TGIF1: variants seen among roughly 807,000 people sequenced by gnomAD.
The protein encoded by TGIF1 is TGFB induced factor homeobox 1, also known as homeobox protein TGIF1.
A neutral mutation model predicts 19.3 loss-of-function variants in TGIF1; 4 were observed. That is an observed-to-expected ratio of 0.21 (90% CI 0.10 to 0.47). TGIF1 has a LOEUF of 0.47. TGIF1 is among the 20% of genes least tolerant of loss of function. The pLI, the probability that TGIF1 is intolerant of heterozygous loss-of-function variation, is 0.98. For synonymous variants in TGIF1, 122 were observed against 129.3 expected (o/e 0.94, Z 0.38); for missense variants, 275 against 341.4 (o/e 0.81, Z 1.53).
intron 1 of TGIF1, chr18:3,415,398 A>G (rs1169899767): frequency 4.2e-6 from 2 of 479,978 alleles, no homozygotes; most frequent in Admixed American, 2.1e-5. Flanking sequence ...AGTCAGGGAC[A>G]TTGGAAGCTG....
chr18:3,449,748 T>G (rs903636905), upstream of TGIF1: 3 of 984,910 alleles, frequency 3.0e-6, no homozygotes, highest in African/African-American at 5.3e-5. Flanking sequence ...GCCAGTAGAG[T>G]TCGGGGCAGC....
At position 3,459,746 on chromosome 18, in the gene TGIF1, C is replaced by T. The variant is rs2049463462; in HGVS notation, c.*1806C>T. 1 of 152,166 alleles carries T rather than the reference C, an allele frequency of 6.6e-6. No individual in the cohort carries two copies. The highest frequency in any genetic ancestry group is 6.5e-5 in the Admixed American group (1 of 15,274). The allele number at this position is 152,166 out of a possible 1,614,324, so 9.4% of individuals were successfully genotyped here. ...CCATATGACTCATTTAAAAGAAAAA[C>T]TGTAAGTCACCTTAAATTCCCTATG... On this transcript the variant is annotated 3_prime_UTR_variant, in exon 3 of 3. Coordinates refer to ENST00000343820, the MANE Select transcript of TGIF1 (RefSeq NM_003244.4).
intron 1 of TGIF1, chr18:3,452,257 C>A (rs2082983737): frequency 6.2e-7 from 1 of 1,609,380 alleles, no homozygotes; most frequent in African/African-American, 1.3e-5. Context: ...CAGCCGCGTG[C>A]CCTCTCCCCG....
At chr18:3,426,688 A>G (rs1001940611) in intron 2 of TGIF1, among the ~76,000 whole-genome samples, 9 of 152,284 alleles carry the variant, frequency 5.9e-5, no homozygotes, top group African/African-American at 1.9e-4. Flanking sequence ...AGAATTTGGC[A>G]ATATCTAACA....
upstream of TGIF1, chr18:3,449,964 G>T (rs2082846985): frequency 1.0e-6 from 1 of 987,464 alleles, no homozygotes; most frequent in South Asian, 4.6e-5. Flanking sequence ...GCGGCAGGCG[G>T]AAAGGATCGT....
chr18:3,452,169 C>T lies in TGIF1; in HGVS notation c.16+1664C>T, dbSNP rs2082974532. 2.5e-6 allele frequency: 4 copies of T among 1,613,818 alleles called. No individual in the cohort carries two copies. In the Middle Eastern group the frequency reaches 4.9e-4, roughly 200 times the overall value. ...CACTTTGGCCTACCTTCCCCCAGCG[C>T]CGTGGTCCTCCCTGGCGACCCCCTC... is the stretch of plus-strand genomic sequence containing the variant. On this transcript the variant is annotated intron_variant, in intron 1 of 2. Coordinates refer to ENST00000343820, the MANE Select transcript of TGIF1 (RefSeq NM_003244.4).
rs1307707240 is a variant in TGIF1, at chr18:3,422,694, T to G, written c.-45+4479T>G. On this transcript the variant is annotated intron_variant, in intron 2 of 3. Coordinates refer to the TGIF1 transcript ENST00000401449. ...TGGCCTTTTTTTTTTTTTTTTTTTTTTTTTTTTTTTTTTTGAGACAGAGTC... is the reference window on the plus strand; with the variant it reads ...TGGCCTTTTTTTTTTTTTTTTTTTTGTTTTTTTTTTTTTTGAGACAGAGTC... 4.4e-4 allele frequency among the ~76,000 whole-genome samples: 62 copies of G among 139,556 alleles called. 4 individuals are homozygous for G. Among genetic ancestry groups the G allele is most frequent in the Admixed American group, 1.2e-3 (17 of 13,742 alleles). 91.6% of individuals were successfully genotyped at this position (139,556 alleles called of 152,430 possible).
upstream of TGIF1, chr18:3,448,339 A>C: frequency 1.0e-6 from 1 of 985,292 alleles, no homozygotes; most frequent in Non-Finnish European, 1.2e-6. Flanking sequence ...ACAACCCTTC[A>C]AACGAAATAG....
intron 1 of TGIF1, chr18:3,418,022 C>T (rs1030621662): frequency 2.0e-5 from 3 of 147,792 alleles, no homozygotes; most frequent in Non-Finnish European, 4.4e-5. Flanking sequence ...TACATATGAT[C>T]GAAGTTGGTT....
intron 2 of TGIF1, among the ~76,000 whole-genome samples, chr18:3,439,498 C>T (rs2082656530): frequency 6.6e-6 from 1 of 151,996 alleles, no homozygotes; most frequent in African/African-American, 2.4e-5. Context: ...CATGCTCCAC[C>T]ATGCTTGGCT....
At chr18:3,420,923 G>A (rs2082390650) in intron 2 of TGIF1, among the ~76,000 whole-genome samples, 1 of 152,176 alleles carries the variant, frequency 6.6e-6, no homozygotes, top group South Asian at 2.1e-4. Context: ...TTTCCTCACA[G>A]GAGGAGTTTG....
At chr18:3,452,094 C>T (rs2082966723) in intron 1 of TGIF1, 1 of 1,614,054 alleles carries the variant, frequency 6.2e-7, no homozygotes, top group Admixed American at 1.7e-5. Flanking sequence ...CGGGAATCCC[C>T]AGTGCTCCTT....
chr18:3,439,723 A>G (rs1278529749), intron 2 of TGIF1, among the ~76,000 whole-genome samples: 2 of 152,038 alleles, frequency 1.3e-5, no homozygotes, highest in African/African-American at 4.8e-5. Flanking sequence ...AAAGGAGAAA[A>G]GAAAAATAGG....
chr18:3,445,416 T>C (rs1018173378), upstream of TGIF1, among the ~76,000 whole-genome samples: 2 of 152,022 alleles, frequency 1.3e-5, no homozygotes, highest in Non-Finnish European at 1.5e-5. Flanking sequence ...TTTCAGAACT[T>C]TTTTTGTAGT....
chr18:3,458,087 G>A lies in TGIF1; in HGVS notation c.*147G>A, dbSNP rs752943244. On this transcript the variant is annotated 3_prime_UTR_variant, in exon 3 of 3. Coordinates refer to ENST00000343820, the MANE Select transcript of TGIF1 (RefSeq NM_003244.4). ...TCCTGTTACTGAGATGTCTTCAATG[G>A]AATACAGTCATTCCAAGAACTATAA... is the stretch of plus-strand genomic sequence containing the variant. 27 of 692,320 alleles carry A rather than the reference G, an allele frequency of 3.9e-5. No individual in the cohort carries two copies. Among genetic ancestry groups the A allele is most frequent in the Middle Eastern group, 3.9e-4 (1 of 2,544 alleles). The allele number at this position is 692,320 out of a possible 1,614,324, so 42.9% of individuals were successfully genotyped here. A position where few individuals can be genotyped will look rare whatever the true frequency, so the allele number is the denominator to read the frequency against.
intron 1 of TGIF1, among the ~76,000 whole-genome samples, chr18:3,454,502 T>A (rs1048266385): frequency 1.6e-4 from 24 of 152,254 alleles, no homozygotes; most frequent in Non-Finnish European, 2.4e-4. Flanking sequence ...ACACTTTTTT[T>A]AAAAGTTCGA....
Position 3,451,358 on chromosome 18 carries a change from G to A in TGIF1, c.16+853G>A, listed in dbSNP as rs1423196646. Reference sequence around the variant, plus strand: ...AAAATACACCGGAGGGGGACGGGGGGTGGAGAAACCACACAAAACACCCCG... The same window carrying A: ...AAAATACACCGGAGGGGGACGGGGGATGGAGAAACCACACAAAACACCCCG... On this transcript the variant is annotated intron_variant, in intron 1 of 2. Transcript: ENST00000343820. The surrounding 1 kb of genome is among the most constrained non-coding windows in gnomAD (Gnocchi z 5.4). 3.0e-6 allele frequency: 3 copies of A among 984,824 alleles called. No individual in the cohort carries two copies. Among genetic ancestry groups the A allele is most frequent in the Non-Finnish European group, 3.6e-6 (3 of 829,922 alleles). The allele number at this position is 984,824 out of a possible 1,614,324, so 61.0% of individuals were successfully genotyped here. A position where few individuals can be genotyped will look rare whatever the true frequency, so the allele number is the denominator to read the frequency against.
chr18:3,450,499 A>G lies in TGIF1; in HGVS notation c.10A>G (p.Lys4Glu), dbSNP rs1030091068. The change falls in exon 1 of 3, where the codon AAG becomes GAG. Residue 4 changes from lysine (K) to glutamate (E), a missense_variant. Physicochemically the swap from Lys to Glu is moderately conservative, Grantham distance 56. Coordinates refer to ENST00000343820, the MANE Select transcript of TGIF1 (RefSeq NM_003244.4). MKG[K>E]KGIVAASGSE... ...GGAGGGGAGATCCAGAATGAAAGGC[A>G]AGAAAGGTAAGGCGGCCGCGGGCTG... The G allele has an allele frequency of 3.2e-6, 5 of 1,563,162 alleles. No individual in the cohort carries two copies. The highest frequency in any genetic ancestry group is 4.3e-6 in the Non-Finnish European group (5 of 1,154,058).
chr18:3,456,036 T>C lies in TGIF1; in HGVS notation c.17-318T>C, dbSNP rs2049341028. On this transcript the variant is annotated intron_variant, in intron 1 of 2. Coordinates refer to ENST00000343820, the MANE Select transcript of TGIF1 (RefSeq NM_003244.4). The surrounding 1 kb of genome is among the most constrained non-coding windows in gnomAD (Gnocchi z 4.2). The stretch of plus-strand genomic sequence containing the variant: ...TTTCAAATGTGGCAGGTTATTCATT[T>C]TGGGTGCAGTTTGTCTCCTCCAATG... 4.9e-6 allele frequency: 2 copies of C among 404,282 alleles called. No homozygotes were observed. Among genetic ancestry groups the C allele is most frequent in the Admixed American group, 3.6e-5 (1 of 27,462 alleles). The allele number at this position is 404,282 out of a possible 1,614,324, so 25.0% of individuals were successfully genotyped here. A position where few individuals can be genotyped will look rare whatever the true frequency, so the allele number is the denominator to read the frequency against.
Sources: allele counts gnomAD v4.1 joint callset (sites outside exome capture counted in the v4.1 genomes callset), GRCh38; gene constraint gnomAD v4.1.1; non-coding constraint Gnocchi (gnomAD v3.1); transcripts MANE v1.5; gene names NCBI Gene and HGNC (gene_info 2026-07-23, HGNC 2026-07-21).